The following NRGN variants were observed in gnomAD, a reference collection of about 807,000 sequenced individuals.
NRGN encodes calmodulin-binding protein.
For missense variants in NRGN, 82 were observed against 123.0 expected (o/e 0.67, Z 1.58); for synonymous variants, 47 against 52.8 (o/e 0.89, Z 0.47).
At position 124,747,099 on chromosome 11, in the gene NRGN, TC is replaced by T. The variant is rs928374879; in HGVS notation, c.*726del. 1 of 142,294 alleles carries T rather than the reference TC, an allele frequency of 7.0e-6. No individual in the cohort carries two copies. The highest frequency in any genetic ancestry group is 1.5e-5 in the Non-Finnish European group (1 of 64,848). The allele number at this position is 142,294 out of a possible 1,614,324, so 8.8% of individuals were successfully genotyped here. A position where few individuals can be genotyped will look rare whatever the true frequency, so the allele number is the denominator to read the frequency against. On this transcript the variant is annotated 3_prime_UTR_variant, in exon 4 of 4. Transcript: ENST00000284292. ...CGCCCCGCCCCTGTCGGTCCCGCCC[TC>T]CCCCCCGCCGGGCTCCTGGGGCTGT...
At chr11:124,741,720 G>T (rs1264445075) in intron 1 of NRGN, among the ~76,000 whole-genome samples, 1 of 151,972 alleles carries the variant, frequency 6.6e-6, no homozygotes, top group Non-Finnish European at 1.5e-5. Context: ...GGGGAGTATT[G>T]CTGGGGAAGG....
At chr11:124,742,796 C>G (rs1278513350) in intron 1 of NRGN, among the ~76,000 whole-genome samples, 1 of 152,192 alleles carries the variant, frequency 6.6e-6, no homozygotes, top group African/African-American at 2.4e-5. Flanking sequence ...GACATAATAA[C>G]AAGCAGCAAG....
chr11:124,740,284 T>C lies in NRGN; in HGVS notation c.15+185T>C, dbSNP rs1375299346. Among the ~76,000 whole-genome samples, 2 of 152,194 alleles carry C rather than the reference T, an allele frequency of 1.3e-5. No individual in the cohort carries two copies. Among genetic ancestry groups the C allele is most frequent in the African/African-American group, 2.4e-5 (1 of 41,436 alleles). On this transcript the variant is annotated intron_variant, in intron 1 of 3. Transcript: ENST00000284292. This position sits in a 1 kb window ranked among gnomAD's most constrained non-coding sequence, Gnocchi z 7.5. Reference sequence around the variant, plus strand: ...AGGCGCCCGCCCGACTTGGAAGCCCTAGGAAAAATGCTCCTCAACTCGCGG... The same window carrying C: ...AGGCGCCCGCCCGACTTGGAAGCCCCAGGAAAAATGCTCCTCAACTCGCGG...
At chr11:124,741,318 T>C (rs547942906) in intron 1 of NRGN, among the ~76,000 whole-genome samples, 1 of 152,220 alleles carries the variant, frequency 6.6e-6, no homozygotes, top group Non-Finnish European at 1.5e-5. Flanking sequence ...CTCCTAACTG[T>C]GGAGGCAGGA....
chr11:124,741,893 C>T (rs1943968913), intron 1 of NRGN, among the ~76,000 whole-genome samples: 1 of 152,098 alleles, frequency 6.6e-6, no homozygotes, highest in African/African-American at 2.4e-5. Flanking sequence ...GGGAGCCATA[C>T]TGAGGGATTA....
Position 124,746,086 on chromosome 11 carries a change from G to A in NRGN, c.*23+104G>A, listed in dbSNP as rs902939537. On this transcript the variant is annotated intron_variant, in intron 3 of 3. Transcript: ENST00000284292. ...GCCCACCCTCACCCCTCCCAGCCGG[G>A]GAAAATGCACCCTGCCCCTGCGGGT... is the stretch of plus-strand genomic sequence containing the variant. 4.2e-5 allele frequency: 8 copies of A among 189,160 alleles called. No homozygotes were observed. The East Asian group carries it at 1.0e-3, about 25-fold the overall frequency. 11.7% of individuals were successfully genotyped at this position (189,160 alleles called of 1,614,324 possible).
chr11:124,744,370 A>C lies in NRGN; in HGVS notation c.16-1133A>C, dbSNP rs184678364. Among the ~76,000 whole-genome samples, 210 of 152,380 alleles carry C rather than the reference A, an allele frequency of 1.4e-3. 1 individual carries two copies. Among genetic ancestry groups the C allele is most frequent in the Admixed American group, 3.6e-3 (55 of 15,304 alleles). On this transcript the variant is annotated intron_variant, in intron 1 of 3. Coordinates refer to ENST00000284292, the MANE Select transcript of NRGN (RefSeq NM_006176.3). ...TCTTCCCCACGACCCATAGAGGTGG[A>C]TACCATTATCCTGATATTTTAGAGG...
chr11:124,743,322 G>T (rs555586900), intron 1 of NRGN, among the ~76,000 whole-genome samples: 1 of 152,322 alleles, frequency 6.6e-6, no homozygotes, highest in African/African-American at 2.4e-5. Context: ...CTCCACAGCT[G>T]CGAGGCCAAG....
In NRGN at chr11:124,740,116, G is replaced by GC; in HGVS notation, c.15+17_15+18insC. On this transcript the variant is annotated intron_variant, in intron 1 of 3. Coordinates refer to ENST00000284292, the MANE Select transcript of NRGN (RefSeq NM_006176.3). This position sits in a 1 kb window ranked among gnomAD's most constrained non-coding sequence, Gnocchi z 7.5. ...TGCTGCACCGTAAGTTAGAGGGCCC[G>GC]GGGGAGGGGCACTTGGCGGGGTCCG... 1 of 1,257,886 alleles carries GC rather than the reference G, an allele frequency of 7.9e-7. No individual in the cohort carries two copies. Among genetic ancestry groups the GC allele is most frequent in the Non-Finnish European group, 9.9e-7 (1 of 1,005,228 alleles). 77.9% of individuals were successfully genotyped at this position (1,257,886 alleles called of 1,614,324 possible).
intron 1 of NRGN, among the ~76,000 whole-genome samples, chr11:124,742,851 A>C (rs1266568591): frequency 6.6e-6 from 1 of 152,158 alleles, no homozygotes; most frequent in Non-Finnish European, 1.5e-5. Context: ...GCTGAAGGAG[A>C]CTTTGTTCAT....
Position 124,740,424 on chromosome 11 carries a change from C to A in NRGN, c.15+325C>A, listed in dbSNP as rs1344252267. Among the ~76,000 whole-genome samples, 3 of 152,338 alleles carry A rather than the reference C, an allele frequency of 2.0e-5. No homozygotes were observed. The East Asian group carries it at 5.8e-4, about 29-fold the overall frequency. On this transcript the variant is annotated intron_variant, in intron 1 of 3. Transcript: ENST00000284292. This position sits in a 1 kb window ranked among gnomAD's most constrained non-coding sequence, Gnocchi z 7.5. ...AGGAGGAACTTCCTCCCCAGTGAGA[C>A]GCTGGCAACCATCGCCTGGAGACAC...
intron 1 of NRGN, among the ~76,000 whole-genome samples, chr11:124,741,327 G>A (rs145247512): frequency 1.3e-5 from 2 of 152,326 alleles, no homozygotes; most frequent in East Asian, 3.9e-4. Context: ...GTGGAGGCAG[G>A]ATTCAAACAT....
intron 1 of NRGN, among the ~76,000 whole-genome samples, chr11:124,742,856 G>A (rs1008074397): frequency 1.3e-5 from 2 of 152,212 alleles, no homozygotes; most frequent in African/African-American, 4.8e-5. Flanking sequence ...AGGAGACTTT[G>A]TTCATTAGTT....
rs1804699270 is a variant in NRGN, at chr11:124,740,941, T to C, written c.15+842T>C. ...TGCCTCTGCACTTGGAGAAAGACTATTCCAAAGTCCTTGTATTTTCAGTCA... is the reference window on the plus strand; with the variant it reads ...TGCCTCTGCACTTGGAGAAAGACTACTCCAAAGTCCTTGTATTTTCAGTCA... On this transcript the variant is annotated intron_variant, in intron 1 of 3. Transcript: ENST00000284292. This position sits in a 1 kb window ranked among gnomAD's most constrained non-coding sequence, Gnocchi z 7.5. 6.6e-6 allele frequency among the ~76,000 whole-genome samples: 1 copy of C among 152,252 alleles called. No individual in the cohort carries two copies. The highest frequency in any genetic ancestry group is 2.1e-4 in the South Asian group (1 of 4,836).
In NRGN at chr11:124,745,495, G is replaced by A; in HGVS notation, c.16-8G>A. On this transcript the variant is annotated splice_region_variant and splice_polypyrimidine_tract_variant and intron_variant, in intron 1 of 3. Transcript: ENST00000284292. The surrounding 1 kb of genome is among the most constrained non-coding windows in gnomAD (Gnocchi z 6.4). ...GACCCCACAAGAACCCCCCTGCTTC[G>A]CCCCCAGGAGAACGCCTGCTCCAAG... 1 of 1,568,454 alleles carries A rather than the reference G, an allele frequency of 6.4e-7. No individual in the cohort carries two copies.
intron 1 of NRGN, among the ~76,000 whole-genome samples, chr11:124,741,506 C>G (rs1943965640): frequency 6.6e-6 from 1 of 152,134 alleles, no homozygotes; most frequent in African/African-American, 2.4e-5. Context: ...GATAACATAT[C>G]TCCTTCCAGC....
chr11:124,745,968 T>C lies in NRGN; in HGVS notation c.*9T>C. The stretch of plus-strand genomic sequence containing the variant: ...GCCCCGCCCTGGACCGAAGAAGAAC[T>C]GAGCATTTTCAAAGGTAATGAACAC... On this transcript the variant is annotated 3_prime_UTR_variant, in exon 3 of 4. Transcript: ENST00000284292. The surrounding 1 kb of genome is among the most constrained non-coding windows in gnomAD (Gnocchi z 6.4). 2.9e-6 allele frequency: 1 copy of C among 340,440 alleles called. No individual in the cohort carries two copies. Among genetic ancestry groups the C allele is most frequent in the East Asian group, 4.6e-5 (1 of 21,852 alleles). The allele number at this position is 340,440 out of a possible 1,614,324, so 21.1% of individuals were successfully genotyped here.
intron 1 of NRGN, among the ~76,000 whole-genome samples, chr11:124,741,056 G>A (rs902317858): frequency 6.6e-6 from 1 of 152,250 alleles, no homozygotes; most frequent in African/African-American, 2.4e-5. Context: ...TGGAAGGGAA[G>A]GATAGCCCAG....
At chr11:124,746,290 A>T (rs1038508827) in intron 3 of NRGN, 114 bp from the exon 4 acceptor site, 2 of 152,160 alleles carry the variant, frequency 1.3e-5, no homozygotes, top group Non-Finnish European at 2.9e-5. Flanking sequence ...GTTCTGGGTG[A>T]CTGGGGCCCT....
Sources: gnomAD v4.1 joint callset for allele counts (sites outside exome capture counted in the v4.1 genomes callset) on GRCh38, gnomAD v4.1.1 for gene constraint, Gnocchi (gnomAD v3.1) non-coding constraint, MANE v1.5 for transcripts, NCBI Gene and HGNC (gene_info 2026-07-23, HGNC 2026-07-21) for gene names.